MARK3: variants seen among roughly 807,000 people sequenced by gnomAD.
MARK3 encodes microtubule affinity regulating kinase 3.
MARK3 carries 46 observed loss-of-function variants against 90.1 expected under a neutral mutation model. That is an observed-to-expected ratio of 0.51 (90% CI 0.40 to 0.65). The LOEUF (loss-of-function observed/expected upper bound fraction) is 0.65, where lower values mean the gene tolerates loss of function less well. Ranked by LOEUF, MARK3 falls within the 30% of genes least tolerant of loss-of-function variation. MARK3 has a pLI of 0.00. For synonymous variants in MARK3, 321 were observed against 332.6 expected (o/e 0.97, Z 0.38); for missense variants, 818 against 947.2 (o/e 0.86, Z 1.79).
At chr14:103,395,179 A>G (rs2090502311) in intron 1 of MARK3, among the ~76,000 whole-genome samples, 1 of 152,220 alleles carries the variant, frequency 6.6e-6, no homozygotes, top group Non-Finnish European at 1.5e-5. Flanking sequence ...CGAGATAAAG[A>G]TTCTGAAGAG....
At chr14:103,495,384 G>T (rs2075282360) in intron 15 of MARK3, among the ~76,000 whole-genome samples, 1 of 151,742 alleles carries the variant, frequency 6.6e-6, no homozygotes, top group South Asian at 2.1e-4. Flanking sequence ...GAAGGGTGAG[G>T]CAAGAGGATG....
At chr14:103,435,132 G>T (rs1409576047) in intron 3 of MARK3, among the ~76,000 whole-genome samples, 1 of 152,202 alleles carries the variant, frequency 6.6e-6, no homozygotes, top group East Asian at 1.9e-4. Flanking sequence ...GTCGTGTAAT[G>T]ACTTTTACTG....
In MARK3 at chr14:103,448,975, C is replaced by A. The variant is rs2093064122; in HGVS notation, c.346+8C>A. On this transcript the variant is annotated splice_region_variant and intron_variant, in intron 4 of 17. Coordinates refer to ENST00000429436, the MANE Select transcript of MARK3 (RefSeq NM_001128918.3). The stretch of plus-strand genomic sequence containing the variant: ...TAAATCATCCCAATATAGGTACTTT[C>A]TGCTTTTTTAAATATTTTGGGGTCT... 6.4e-7 allele frequency: 1 copy of A among 1,560,672 alleles called. No individual in the cohort carries two copies. The highest frequency in any genetic ancestry group is 1.4e-5 in the African/African-American group (1 of 72,668).
chr14:103,493,271 T>TA (rs1555404390), intron 15 of MARK3, among the ~76,000 whole-genome samples: 1 of 148,218 alleles, frequency 6.7e-6, no homozygotes, highest in South Asian at 2.2e-4. Flanking sequence ...TTTTTTTTTT[T>TA]TTTGAGACGG....
At chr14:103,444,855 G>A (rs963336852) in intron 3 of MARK3, among the ~76,000 whole-genome samples, 5 of 151,634 alleles carry the variant, frequency 3.3e-5, no homozygotes, top group African/African-American at 9.7e-5. Context: ...AAATTTTTCT[G>A]GTATAGTCCT....
At chr14:103,421,311 C>T (rs2092212017) in intron 2 of MARK3, among the ~76,000 whole-genome samples, 1 of 152,150 alleles carries the variant, frequency 6.6e-6, no homozygotes, top group South Asian at 2.1e-4. Flanking sequence ...CCCCCAGAAG[C>T]AATGATTTCG....
chr14:103,480,564 G>T, intron 14 of MARK3, 74 bp downstream of exon 14: 1 of 831,918 alleles, frequency 1.2e-6, no homozygotes, highest in Admixed American at 2.3e-5. Flanking sequence ...TTACTGCTTT[G>T]TTCTTATAAT....
At chr14:103,436,136 C>T (rs1297368532) in intron 3 of MARK3, among the ~76,000 whole-genome samples, 1 of 152,192 alleles carries the variant, frequency 6.6e-6, no homozygotes, top group Non-Finnish European at 1.5e-5. Context: ...AGTGATCCAC[C>T]CGCTTCAGCC....
At chr14:103,427,579 T>C (rs1051571181) in intron 2 of MARK3, among the ~76,000 whole-genome samples, 1 of 151,400 alleles carries the variant, frequency 6.6e-6, no homozygotes, top group Non-Finnish European at 1.5e-5. Flanking sequence ...AGTCTACTTA[T>C]AGTTATTTCT....
At chr14:103,449,635 G>A (rs1045162741) in intron 4 of MARK3, among the ~76,000 whole-genome samples, 3 of 152,156 alleles carry the variant, frequency 2.0e-5, no homozygotes, top group Admixed American at 1.3e-4. Context: ...GCTAGTAGGT[G>A]TGTTTAAAGA....
intron 1 of MARK3, among the ~76,000 whole-genome samples, chr14:103,389,545 A>AAAAAAAAAAAAAAC: frequency 6.9e-6 from 1 of 145,756 alleles, no homozygotes; most frequent in African/African-American, 2.5e-5. Context: ...AAAAAAAAAA[A>AAAAAAAAAAAAAAC]AAAGCAGACA....
At position 103,414,309 on chromosome 14, in the gene MARK3, G is replaced by A. The variant is rs146153385; in HGVS notation, c.243+9042G>A. ...CAACCTCCACCTCCCAGGTTCAAGC[G>A]ATTCCCCTGCCTCAGCCTCCCTAGT... On this transcript the variant is annotated intron_variant, in intron 2 of 17. Coordinates refer to ENST00000429436, the MANE Select transcript of MARK3 (RefSeq NM_001128918.3). Among the ~76,000 whole-genome samples the A allele has an allele frequency of 3.5e-3, 529 of 151,548 alleles. 1 individual carries two copies. The highest frequency in any genetic ancestry group is 0.012 in the African/African-American group (509 of 41,280).
At chr14:103,461,706 C>T (rs950969144) in intron 6 of MARK3, among the ~76,000 whole-genome samples, 9 of 152,084 alleles carry the variant, frequency 5.9e-5, no homozygotes, top group South Asian at 4.1e-4. Flanking sequence ...ACTCTCTAAC[C>T]GCTGGTTTGG....
intron 3 of MARK3, among the ~76,000 whole-genome samples, chr14:103,441,751 C>A (rs1419300777): frequency 3.9e-5 from 6 of 152,186 alleles, no homozygotes; most frequent in Non-Finnish European, 7.3e-5. Context: ...CTTGCTGCCT[C>A]ACCTCTCCTT....
chr14:103,483,872 T>G, intron 14 of MARK3, among the ~76,000 whole-genome samples: 1 of 152,212 alleles, frequency 6.6e-6, no homozygotes, highest in Non-Finnish European at 1.5e-5. Context: ...AGGTTTGCAG[T>G]GAGTCTTAAA....
intron 13 of MARK3, among the ~76,000 whole-genome samples, chr14:103,478,767 G>A (rs966955331): frequency 6.6e-6 from 1 of 152,068 alleles, no homozygotes; most frequent in Non-Finnish European, 1.5e-5. Flanking sequence ...TCGAACTCCC[G>A]ACCTCAGGTG....
At chr14:103,445,959 C>T (rs1037850995) in intron 3 of MARK3, among the ~76,000 whole-genome samples, 3 of 152,206 alleles carry the variant, frequency 2.0e-5, no homozygotes, top group African/African-American at 4.8e-5. Flanking sequence ...TTAGTGCTTT[C>T]ATGCAGGCAT....
intron 15 of MARK3, 90 bp downstream of exon 15, chr14:103,492,124 A>G (rs1243056438): frequency 6.2e-6 from 9 of 1,452,196 alleles, no homozygotes; most frequent in Non-Finnish European, 8.4e-6. Flanking sequence ...TGCTACCTGG[A>G]TGCTTTTCAG....
intron 14 of MARK3, among the ~76,000 whole-genome samples, chr14:103,486,026 C>T (rs1254378185): frequency 3.9e-5 from 6 of 152,070 alleles, no homozygotes; most frequent in African/African-American, 1.4e-4. Context: ...CATGATGGCT[C>T]ACGCCACCAT....
Sources: allele counts gnomAD v4.1 joint callset (sites outside exome capture counted in the v4.1 genomes callset), GRCh38; gene constraint gnomAD v4.1.1; transcripts MANE v1.5; gene names NCBI Gene and HGNC (gene_info 2026-07-23, HGNC 2026-07-21).